Variants in GRM8 observed in about 807,000 individuals in gnomAD.
GRM8 encodes glutamate metabotropic receptor 8, also known as metabotropic glutamate receptor 8.
In GRM8, 47 loss-of-function variants were observed where a neutral mutation model predicts 87.2. The observed-to-expected ratio is 0.54, with a 90% CI of 0.43 to 0.69. GRM8 has a LOEUF of 0.69. Ranked by LOEUF, GRM8 falls within the 30% of genes least tolerant of loss-of-function variation. GRM8 has a pLI of 0.00. For synonymous variants in GRM8, 396 were observed against 404.5 expected, an observed-to-expected ratio of 0.98 and a Z score of 0.25; for missense variants, 1,019 against 1,139.2, an observed-to-expected ratio of 0.89 and a Z score of 1.52.
chr7:126,680,193 A>T (rs1478012800), intron 7 of GRM8, among the ~76,000 whole-genome samples: 2 of 152,188 alleles, frequency 1.3e-5, no homozygotes. Context: ...GTAGTTATTT[A>T]TGGTGCACGA....
chr7:126,841,638 T>A (rs1160806630), intron 6 of GRM8, among the ~76,000 whole-genome samples: 1 of 151,876 alleles, frequency 6.6e-6, no homozygotes, highest in Non-Finnish European at 1.5e-5. Flanking sequence ...TATTATTTTT[T>A]TTTTTTTGAG....
At chr7:126,750,991 A>C (rs1332681511) in intron 7 of GRM8, among the ~76,000 whole-genome samples, 1 of 152,094 alleles carries the variant, frequency 6.6e-6, no homozygotes, top group East Asian at 1.9e-4. Context: ...TACTAGATGT[A>C]TGCTTCAGTT....
intron 7 of GRM8, among the ~76,000 whole-genome samples, chr7:126,655,575 A>T (rs1219991868): frequency 6.6e-6 from 1 of 152,126 alleles, no homozygotes; most frequent in Non-Finnish European, 1.5e-5. Flanking sequence ...GGTCTCAACT[A>T]CTGGTCATTC....
At chr7:126,897,365 G>A (rs1398405082) in intron 6 of GRM8, among the ~76,000 whole-genome samples, 1 of 152,134 alleles carries the variant, frequency 6.6e-6, no homozygotes, top group African/African-American at 2.4e-5. Context: ...ACAAGGTCAA[G>A]TAAGGGACTG....
intron 3 of GRM8, among the ~76,000 whole-genome samples, chr7:127,069,353 G>C (rs751342987): frequency 5.3e-5 from 8 of 152,054 alleles, no homozygotes; most frequent in Non-Finnish European, 8.8e-5. Flanking sequence ...TAGTAGAGAT[G>C]GAGTTTTGCC....
intron 3 of GRM8, among the ~76,000 whole-genome samples, chr7:126,983,178 A>G (rs1052535518): frequency 4.6e-5 from 7 of 152,100 alleles, no homozygotes; most frequent in Non-Finnish European, 1.0e-4. Flanking sequence ...CTCCCTCTGG[A>G]ACTAAGACTT....
chr7:126,904,751 T>C, intron 3 of GRM8, 68 bp from the exon 4 acceptor site: 1 of 1,399,948 alleles, frequency 7.1e-7, no homozygotes, highest in Non-Finnish European at 1.0e-6. Context: ...CCCAATTACC[T>C]ACTTTATAAA....
chr7:126,956,533 G>A (rs567627248), intron 3 of GRM8, among the ~76,000 whole-genome samples: 7 of 152,136 alleles, frequency 4.6e-5, no homozygotes, highest in South Asian at 2.1e-4. Context: ...TGTGCACAAC[G>A]TGCAGGTTTG....
intron 7 of GRM8, among the ~76,000 whole-genome samples, chr7:126,627,019 C>A (rs1445514838): frequency 1.3e-5 from 2 of 152,058 alleles, no homozygotes; most frequent in African/African-American, 2.4e-5. Flanking sequence ...ATTATTTAGA[C>A]CTTCTCTTAT....
chr7:127,107,159 A>G (rs1348366597), intron 2 of GRM8, among the ~76,000 whole-genome samples: 1 of 152,214 alleles, frequency 6.6e-6, no homozygotes, highest in African/African-American at 2.4e-5. Context: ...GGAATTTAAT[A>G]TAAGATTTTT....
At chr7:126,683,377 C>T (rs1254283508) in intron 7 of GRM8, among the ~76,000 whole-genome samples, 1 of 152,204 alleles carries the variant, frequency 6.6e-6, no homozygotes, top group East Asian at 1.9e-4. Flanking sequence ...AATGAAGCCT[C>T]TGATATTTCA....
chr7:126,642,584 G>A (rs28690571), intron 7 of GRM8, among the ~76,000 whole-genome samples: 46,801 of 151,850 alleles, frequency 0.31, 8,111 homozygotes, highest in East Asian at 0.43. Context: ...ATCTTGCAGT[G>A]AGCCGAGATC....
intron 9 of GRM8, among the ~76,000 whole-genome samples, chr7:126,469,087 T>G (rs917490000): frequency 3.9e-5 from 6 of 152,148 alleles, no homozygotes; most frequent in African/African-American, 1.4e-4. Flanking sequence ...CACTTGTGCA[T>G]AAGTTCCCAT....
chr7:126,658,800 C>G (rs569356444), intron 7 of GRM8, among the ~76,000 whole-genome samples: 1 of 151,958 alleles, frequency 6.6e-6, no homozygotes, highest in Non-Finnish European at 1.5e-5. Flanking sequence ...CTGCCGGGCC[C>G]GCCCAGCAGA....
At chr7:127,247,079 A>G (rs4141415) in intron 1 of GRM8, among the ~76,000 whole-genome samples, 42,368 of 152,174 alleles carry the variant, frequency 0.28, 6,747 homozygotes, top group Middle Eastern at 0.41. Flanking sequence ...GCACATCTTC[A>G]ATGCTTAGCT....
At chr7:127,236,690 T>C (rs546592953) in intron 2 of GRM8, among the ~76,000 whole-genome samples, 1 of 152,328 alleles carries the variant, frequency 6.6e-6, no homozygotes, top group South Asian at 2.1e-4. Context: ...CTAAACATAT[T>C]GCCCTCCTTT....
At chr7:126,544,750 C>T (rs1269748233) in intron 8 of GRM8, among the ~76,000 whole-genome samples, 5 of 151,946 alleles carry the variant, frequency 3.3e-5, no homozygotes, top group South Asian at 2.1e-4. Context: ...CCTCATGATC[C>T]GCCCGCCTCG....
intron 3 of GRM8, 87 bp from the exon 4 acceptor site, chr7:126,904,770 C>T: frequency 1.8e-6 from 2 of 1,138,586 alleles, no homozygotes; most frequent in Non-Finnish European, 2.6e-6. Flanking sequence ...AAAGCACATA[C>T]TTCTGTATGA....
intron 8 of GRM8, among the ~76,000 whole-genome samples, chr7:126,590,896 T>C (rs1000661672): frequency 3.3e-5 from 5 of 152,094 alleles, no homozygotes; most frequent in Non-Finnish European, 7.4e-5. Flanking sequence ...AACAAATCCT[T>C]GAAATTCATC....
Sources: allele counts gnomAD v4.1 joint callset (sites outside exome capture counted in the v4.1 genomes callset), GRCh38; gene constraint gnomAD v4.1.1; transcripts MANE v1.5; gene names NCBI Gene and HGNC (gene_info 2026-07-23, HGNC 2026-07-21).